Variants in LRRC4C observed in about 807,000 individuals in gnomAD.
The protein encoded by LRRC4C is leucine rich repeat containing 4C, also known as leucine-rich repeat-containing protein 4C.
Under a neutral mutation model 33.6 loss-of-function variants are expected in LRRC4C, and 5 were observed. The observed-to-expected ratio is 0.15, with a 90% CI of 0.08 to 0.31. The LOEUF is 0.31. Among genes scored for constraint, LRRC4C ranks in the 10% least tolerant of loss-of-function variants. LRRC4C has a pLI of 1.00. For synonymous variants in LRRC4C, 329 were observed against 302.0 expected (o/e 1.09, Z -0.93); for missense variants, 560 against 796.7 (o/e 0.70, Z 3.58).
chr11:41,404,778 A>T (rs960789538), intron 1 of LRRC4C, among the ~76,000 whole-genome samples: 1 of 152,088 alleles, frequency 6.6e-6, no homozygotes, highest in East Asian at 1.9e-4. Context: ...CAGACCATCA[A>T]TTAGAAGCAA....
intron 2 of LRRC4C, among the ~76,000 whole-genome samples, chr11:40,797,895 CAAATT>C (rs1950895860): frequency 6.6e-6 from 1 of 152,092 alleles, no homozygotes; most frequent in African/African-American, 2.4e-5. Context: ...TGACAAATAA[CAAATT>C]AGAATATTAA....
intron 1 of LRRC4C, among the ~76,000 whole-genome samples, chr11:41,208,319 T>A (rs1446713973): frequency 6.6e-6 from 1 of 152,246 alleles, no homozygotes; most frequent in Non-Finnish European, 1.5e-5. Context: ...TTTCTTTTAC[T>A]GCTTATAGTA....
intron 2 of LRRC4C, among the ~76,000 whole-genome samples, chr11:40,731,355 T>G (rs984192538): frequency 6.6e-6 from 1 of 151,462 alleles, no homozygotes; most frequent in Non-Finnish European, 1.5e-5. Context: ...GTGAGGCACC[T>G]CCTCTCCCCA....
At chr11:41,118,239 T>A (rs1942241118) in intron 1 of LRRC4C, among the ~76,000 whole-genome samples, 1 of 152,160 alleles carries the variant, frequency 6.6e-6, no homozygotes, top group East Asian at 1.9e-4. Context: ...ATTATGCACA[T>A]TCGCTGCATC....
chr11:41,409,345 C>G (rs1954370671), intron 1 of LRRC4C, among the ~76,000 whole-genome samples: 1 of 152,070 alleles, frequency 6.6e-6, no homozygotes, highest in South Asian at 2.1e-4. Flanking sequence ...TGAAAAAGTA[C>G]TTTTTCTAAC....
chr11:40,776,239 T>C (rs1297207929), intron 2 of LRRC4C, among the ~76,000 whole-genome samples: 2 of 151,832 alleles, frequency 1.3e-5, no homozygotes, highest in African/African-American at 2.4e-5. Flanking sequence ...AATTTTCTTT[T>C]ATCCTTGTGT....
intron 4 of LRRC4C, among the ~76,000 whole-genome samples, chr11:40,250,621 C>T (rs1432458531): frequency 1.3e-5 from 2 of 151,874 alleles, no homozygotes; most frequent in Non-Finnish European, 2.9e-5. Flanking sequence ...GCGCCTGTAA[C>T]CCAACTACTC....
intron 2 of LRRC4C, among the ~76,000 whole-genome samples, chr11:40,697,864 T>A (rs1011264008): frequency 2.0e-5 from 3 of 151,974 alleles, no homozygotes; most frequent in Non-Finnish European, 4.4e-5. Flanking sequence ...GGTCAGGAGA[T>A]AGAGACCATC....
chr11:40,503,633 A>G (rs1052234471), intron 3 of LRRC4C, among the ~76,000 whole-genome samples: 1 of 152,200 alleles, frequency 6.6e-6, no homozygotes, highest in Admixed American at 6.5e-5. Flanking sequence ...ACAGGACTCA[A>G]AGATTGACAG....
intron 2 of LRRC4C, among the ~76,000 whole-genome samples, chr11:40,792,165 C>A (rs1418908807): frequency 6.6e-6 from 1 of 151,828 alleles, no homozygotes; most frequent in Admixed American, 6.6e-5. Flanking sequence ...CTAGCATTTG[C>A]TAATTTGATA....
intron 3 of LRRC4C, among the ~76,000 whole-genome samples, chr11:40,622,273 C>A (rs1226960124): frequency 6.6e-6 from 1 of 151,846 alleles, no homozygotes; most frequent in African/African-American, 2.4e-5. Flanking sequence ...CTTTACCTGA[C>A]AATGGCTATA....
intron 5 of LRRC4C, among the ~76,000 whole-genome samples, chr11:40,221,857 C>A (rs1287179265): frequency 2.0e-5 from 3 of 152,082 alleles, no homozygotes; most frequent in Admixed American, 1.3e-4. Flanking sequence ...CAAGTGCACC[C>A]CCTTAGAGTT....
intron 1 of LRRC4C, among the ~76,000 whole-genome samples, chr11:41,159,083 A>C (rs1944353784): frequency 6.6e-6 from 1 of 152,088 alleles, no homozygotes. Flanking sequence ...TCAGGAGTTC[A>C]AGACTAGCCA....
At chr11:41,078,726 G>T (rs1451688725) in intron 1 of LRRC4C, among the ~76,000 whole-genome samples, 1 of 152,154 alleles carries the variant, frequency 6.6e-6, no homozygotes, top group Non-Finnish European at 1.5e-5. Context: ...TGAGATTTGG[G>T]TGGGGATACA....
chr11:40,983,516 G>A (rs566022359), intron 1 of LRRC4C, among the ~76,000 whole-genome samples: 1 of 152,034 alleles, frequency 6.6e-6, no homozygotes, highest in Non-Finnish European at 1.5e-5. Context: ...CTGACAAATG[G>A]GATTTAATTA....
intron 1 of LRRC4C, among the ~76,000 whole-genome samples, chr11:40,987,872 C>T (rs1191254118): frequency 6.6e-6 from 1 of 151,798 alleles, no homozygotes; most frequent in Non-Finnish European, 1.5e-5. Context: ...GGTCTCTTGT[C>T]TTTTAATGAT....
intron 1 of LRRC4C, among the ~76,000 whole-genome samples, chr11:41,134,984 T>C (rs2135864807): frequency 6.6e-6 from 1 of 152,244 alleles, no homozygotes; most frequent in African/African-American, 2.4e-5. Flanking sequence ...TAAAACTATC[T>C]CATTATGAAA....
intron 2 of LRRC4C, among the ~76,000 whole-genome samples, chr11:40,740,455 G>A (rs1267331178): frequency 6.6e-6 from 1 of 151,864 alleles, no homozygotes; most frequent in Admixed American, 6.6e-5. Flanking sequence ...TTTTGGGAAA[G>A]TCAATTCATG....
chr11:40,639,646 A>G (rs528085062), intron 3 of LRRC4C, among the ~76,000 whole-genome samples: 1 of 152,338 alleles, frequency 6.6e-6, no homozygotes, highest in South Asian at 2.1e-4. Context: ...TTTGTCTCAA[A>G]TTGTTTTACT....
Sources: gnomAD v4.1 joint callset for allele counts (sites outside exome capture counted in the v4.1 genomes callset) on GRCh38, gnomAD v4.1.1 for gene constraint, MANE v1.5 for transcripts, NCBI Gene and HGNC (gene_info 2026-07-23, HGNC 2026-07-21) for gene names.